C1QTNF9: variants seen among roughly 807,000 people sequenced by gnomAD.
C1QTNF9 encodes the protein C1q and TNF related 9, also known as complement C1q and tumor necrosis factor-related protein 9A.
C1QTNF9 carries 6 observed loss-of-function variants against 10.1 expected under a neutral mutation model. That is an observed-to-expected ratio of 0.59 (90% CI 0.32 to 1.17). The LOEUF (loss-of-function observed/expected upper bound fraction) is 1.17, where lower values mean the gene tolerates loss of function less well. Among genes scored for constraint, C1QTNF9 ranks in the 50% most tolerant of loss-of-function variants. C1QTNF9 has a pLI of 0.04. For missense variants in C1QTNF9, 201 were observed against 418.8 expected (o/e 0.48, Z 4.54); for synonymous variants, 98 against 163.5 (o/e 0.60, Z 3.06).
At chr13:24,309,076 T>C (rs1321379717), upstream of C1QTNF9, among the ~76,000 whole-genome samples, 1 of 151,842 alleles carries the variant, frequency 6.6e-6, no homozygotes, top group Non-Finnish European at 1.5e-5. Context: ...GGGATCCAAA[T>C]GAGACCCAGC....
Position 24,313,315 on chromosome 13 carries a change from T to G in C1QTNF9, c.-22-2667T>G, listed in dbSNP as rs187764433. On this transcript the variant is annotated intron_variant, in intron 1 of 3. Coordinates refer to ENST00000332018, the Ensembl canonical transcript of C1QTNF9. ...AGTAACCATTTGCTTCCAGGCTGGC[T>G]TCTTCTTCCCTGGAGAGCAAATTGG... is the stretch of plus-strand genomic sequence containing the variant. 1.5e-3 allele frequency among the ~76,000 whole-genome samples: 236 copies of G among 152,316 alleles called. 1 individual carries two copies. Among genetic ancestry groups the G allele is most frequent in the African/African-American group, 5.0e-3 (206 of 41,578 alleles).
intron 3 of C1QTNF9, among the ~76,000 whole-genome samples, chr13:24,320,259 G>T (rs1179351380): frequency 6.6e-6 from 1 of 152,188 alleles, no homozygotes; most frequent in Non-Finnish European, 1.5e-5. Context: ...GGTAGACTTA[G>T]ATGGTAGGGT....
intron 3 of C1QTNF9, among the ~76,000 whole-genome samples, chr13:24,319,982 A>T (rs1878186524): frequency 6.6e-6 from 1 of 152,174 alleles, no homozygotes; most frequent in South Asian, 2.1e-4. Context: ...CAGAGTCCAC[A>T]CTTGCAACCA....
intron 1 of C1QTNF9, among the ~76,000 whole-genome samples, chr13:24,315,144 C>T (rs1877977973): frequency 6.6e-6 from 1 of 152,184 alleles, no homozygotes; most frequent in African/African-American, 2.4e-5. Flanking sequence ...CACCACCACC[C>T]ATCTCCAGAA....
At chr13:24,319,684 A>C (rs947092332) in intron 3 of C1QTNF9, among the ~76,000 whole-genome samples, 1 of 152,234 alleles carries the variant, frequency 6.6e-6, no homozygotes, top group African/African-American at 2.4e-5. Flanking sequence ...GTGGATGAGC[A>C]CTGAGGAGTG....
At chr13:24,309,951 A>C (rs1355852024) in intron 1 of C1QTNF9, among the ~76,000 whole-genome samples, 1 of 152,130 alleles carries the variant, frequency 6.6e-6, no homozygotes. Flanking sequence ...GCTGGAGTGC[A>C]GTGTCATGAT....
intron 2 of C1QTNF9, among the ~76,000 whole-genome samples, chr13:24,316,928 TTCAG>T (rs954054819): frequency 6.6e-6 from 1 of 152,228 alleles, no homozygotes; most frequent in Admixed American, 6.5e-5. Flanking sequence ...AAGGGCACAG[TTCAG>T]TGGCATTACA....
chr13:24,320,403 GA>G (rs1399986361), intron 3 of C1QTNF9, among the ~76,000 whole-genome samples: 1 of 151,902 alleles, frequency 6.6e-6, no homozygotes, highest in African/African-American at 2.4e-5. Flanking sequence ...TATTTTTTTT[GA>G]GACAGAATCT....
At chr13:24,319,369 T>G (rs1424073997) in intron 3 of C1QTNF9, among the ~76,000 whole-genome samples, 3 of 151,856 alleles carry the variant, frequency 2.0e-5, no homozygotes, top group Non-Finnish European at 4.4e-5. Flanking sequence ...TAAGACTTTG[T>G]CTATACAAAT....
upstream of C1QTNF9, among the ~76,000 whole-genome samples, chr13:24,308,357 G>C (rs1877679934): frequency 6.6e-6 from 1 of 152,258 alleles, no homozygotes; most frequent in South Asian, 2.1e-4. Flanking sequence ...ACGCGAGCAA[G>C]AGGGAGCCCG....
At chr13:24,320,884 T>C in intron 3 of C1QTNF9, 112 bp from the exon 4 acceptor site, 4 of 1,130,174 alleles carry the variant, frequency 3.5e-6, no homozygotes, top group Non-Finnish European at 5.1e-6. Flanking sequence ...GGGCATATAC[T>C]GAACCTGTGC....
upstream of C1QTNF9, among the ~76,000 whole-genome samples, chr13:24,309,118 C>A (rs1208866310): frequency 6.6e-6 from 1 of 151,748 alleles, no homozygotes; most frequent in Non-Finnish European, 1.5e-5. Context: ...CAGTTTTGTC[C>A]TGTTGCCCGT....
intron 2 of C1QTNF9, among the ~76,000 whole-genome samples, chr13:24,316,752 C>T (rs978660852): frequency 7.2e-5 from 11 of 152,256 alleles, no homozygotes; most frequent in Middle Eastern, 3.4e-3. Flanking sequence ...ATCTGGGGGA[C>T]AGGATTCAGC....
chr13:24,309,283 T>TTTTATATATATATATATA (rs1422107558), upstream of C1QTNF9, among the ~76,000 whole-genome samples: 29 of 68,276 alleles, frequency 4.2e-4, 1 homozygote, highest in African/African-American at 1.3e-3. Context: ...ACTTAAAGTA[T>TTTTATATATATATATATA]TATATATATA....
intron 1 of C1QTNF9, among the ~76,000 whole-genome samples, chr13:24,312,201 G>T (rs753010945): frequency 6.6e-6 from 1 of 152,242 alleles, no homozygotes; most frequent in African/African-American, 2.4e-5. Flanking sequence ...TTTCTTGCAT[G>T]CCTGCATTGA....
rs775596342 is a variant in C1QTNF9 at position 24,321,757 on chromosome 13, A to G, written c.991A>G (p.Ser331Gly). The G allele has an allele frequency of 3.8e-6, 6 of 1,577,876 alleles. No individual in the cohort carries two copies. Among genetic ancestry groups the G allele is most frequent in the African/African-American group, 1.3e-5 (1 of 74,076 alleles). Residue 331 changes from serine (S) to glycine (G), a missense_variant, in exon 4 of 4, where the codon AGC becomes GGC. Ser to Gly is a moderately conservative substitution (Grantham distance 56). This residue lies in a region of C1QTNF9 where 86 missense variants were observed against 87.0 expected (regional missense o/e 0.99). Transcript: ENST00000332018. ...AACTTTCACAGGGTTCCTTCTGTTCAGCAGCCCGTGACAGAGGAGAGTTTA... is the reference window on the plus strand; with the variant it reads ...AACTTTCACAGGGTTCCTTCTGTTCGGCAGCCCGTGACAGAGGAGAGTTTA...
upstream of C1QTNF9, among the ~76,000 whole-genome samples, chr13:24,308,185 C>T (rs1490623819): frequency 6.6e-6 from 1 of 152,240 alleles, no homozygotes; most frequent in African/African-American, 2.4e-5. Context: ...AGGTCCAGGC[C>T]GGCAGGCTGC....
intron 2 of C1QTNF9, among the ~76,000 whole-genome samples, chr13:24,318,444 C>G (rs1465355380): frequency 6.6e-6 from 1 of 152,162 alleles, no homozygotes; most frequent in Non-Finnish European, 1.5e-5. Context: ...GTGAGGAAAC[C>G]TCCTGGCACC....
rs1011411842 is a variant in C1QTNF9 at position 24,318,983 on chromosome 13, G to A, written c.229+103G>A. On this transcript the variant is annotated intron_variant, in intron 3 of 3. Transcript: ENST00000332018. ...TGCTGATTATAATCTTACAATAAAG[G>A]CAACACAGTTCTTACTCTCCAGACG... The A allele has an allele frequency of 2.7e-6, 4 of 1,503,288 alleles. No individual in the cohort carries two copies. The African/African-American group carries it at 4.1e-5, about 16-fold the overall frequency. 93.1% of individuals were successfully genotyped at this position (1,503,288 alleles called of 1,614,324 possible). A position where few individuals can be genotyped will look rare whatever the true frequency, so the allele number is the denominator to read the frequency against.
Sources: gnomAD v4.1 joint callset for allele counts (sites outside exome capture counted in the v4.1 genomes callset) on GRCh38, gnomAD v4.1.1 for gene constraint, gnomAD v4.1.1 regional missense constraint, MANE v1.5 for transcripts, NCBI Gene and HGNC (gene_info 2026-07-23, HGNC 2026-07-21) for gene names.